Variants in TMEM114 observed in about 807,000 individuals in gnomAD.
The protein encoded by TMEM114 is transmembrane protein 114.
In TMEM114, 6 loss-of-function variants were observed where a neutral mutation model predicts 6.2. That is an observed-to-expected ratio of 0.97 (90% CI 0.53 to 1.91). The LOEUF (loss-of-function observed/expected upper bound fraction) is 1.91, where lower values mean the gene tolerates loss of function less well. Among genes scored for constraint, TMEM114 ranks in the 40% most tolerant of loss-of-function variants. TMEM114 has a pLI of 0.01. For synonymous variants in TMEM114, 104 were observed against 73.0 expected (o/e 1.42, Z -2.16); for missense variants, 218 against 158.3 (o/e 1.38, Z -2.02).
chr16:8,588,410 C>T (rs926805987), intron 2 of TMEM114, among the ~76,000 whole-genome samples: 3 of 152,110 alleles, frequency 2.0e-5, no homozygotes, highest in Non-Finnish European at 4.4e-5. Flanking sequence ...GCAGAAATGA[C>T]GATACTAATA....
chr16:8,532,566 G>A, the TMEM114 span, among the ~76,000 whole-genome samples: 16 of 152,162 alleles, frequency 1.1e-4, no homozygotes, highest in Admixed American at 9.2e-4. Flanking sequence ...AGAGAACGAC[G>A]TGTCTCATTT....
chr16:8,555,345 C>A (rs536265997), intron 2 of TMEM114, among the ~76,000 whole-genome samples: 1 of 152,192 alleles, frequency 6.6e-6, no homozygotes, highest in Admixed American at 6.5e-5. Context: ...CAGGGCTACC[C>A]CACAGGCAAT....
chr16:8,580,996 T>A (rs1349771131), intron 2 of TMEM114, among the ~76,000 whole-genome samples: 1 of 152,168 alleles, frequency 6.6e-6, no homozygotes, highest in Non-Finnish European at 1.5e-5. Flanking sequence ...CCAGCCTTTA[T>A]CATACTTTAA....
chr16:8,545,804 C>T (rs1900648379), intron 2 of TMEM114, among the ~76,000 whole-genome samples: 1 of 152,138 alleles, frequency 6.6e-6, no homozygotes, highest in South Asian at 2.1e-4. Flanking sequence ...TTAAAATTCT[C>T]AAACCTTTGA....
chr16:8,527,067 G>C, the TMEM114 span, among the ~76,000 whole-genome samples: 2 of 152,142 alleles, frequency 1.3e-5, no homozygotes, highest in Non-Finnish European at 2.9e-5. Context: ...AATTAGCCCA[G>C]TATGGTGGGC....
chr16:8,559,363 G>C (rs376010807), intron 2 of TMEM114, among the ~76,000 whole-genome samples: 1 of 152,174 alleles, frequency 6.6e-6, no homozygotes, highest in African/African-American at 2.4e-5. Context: ...CCAGTTCTGA[G>C]ACTAGCTGCT....
At chr16:8,539,258 T>A (rs1900450775) in intron 2 of TMEM114, among the ~76,000 whole-genome samples, 3 of 152,086 alleles carry the variant, frequency 2.0e-5, no homozygotes, top group Non-Finnish European at 1.5e-5. Flanking sequence ...AATCTTGAAT[T>A]CCAGGATGTG....
chr16:8,534,626 G>T (rs1900304206), downstream of TMEM114, among the ~76,000 whole-genome samples: 1 of 152,204 alleles, frequency 6.6e-6, no homozygotes, highest in Non-Finnish European at 1.5e-5. Context: ...CTTGGTGGGG[G>T]TGCTGAAGGC....
At position 8,553,726 on chromosome 16, in the gene TMEM114, C is replaced by T. The variant is rs150037982; in HGVS notation, n.213-15900G>A. Among the ~76,000 whole-genome samples the T allele has an allele frequency of 3.1e-3, 472 of 152,168 alleles. 1 individual carries two copies. The highest frequency in any genetic ancestry group is 0.011 in the African/African-American group (439 of 41,518). On this transcript the variant is annotated intron_variant and non_coding_transcript_variant, in intron 2 of 2. Coordinates refer to the TMEM114 transcript ENST00000623677. ...TTGATCTCCTGACCTCATGGTCCGC[C>T]CACCTCGGCCTCCCAAAGTGCTGGG...
chr16:8,549,961 C>G (rs376586678), intron 2 of TMEM114, among the ~76,000 whole-genome samples: 110 of 152,304 alleles, frequency 7.2e-4, no homozygotes, highest in African/African-American at 2.5e-3. Context: ...AACCTCAAAA[C>G]CAGGGAAGCC....
intron 2 of TMEM114, among the ~76,000 whole-genome samples, chr16:8,583,057 T>C (rs1399303132): frequency 1.3e-5 from 2 of 152,214 alleles, no homozygotes; most frequent in African/African-American, 2.4e-5. Flanking sequence ...GACTTCTCTA[T>C]GTCTCCATTG....
At chr16:8,536,752 G>A (rs544712900), downstream of TMEM114, among the ~76,000 whole-genome samples, 1 of 151,900 alleles carries the variant, frequency 6.6e-6, no homozygotes, top group Non-Finnish European at 1.5e-5. Context: ...AAAAGGGGAG[G>A]ACTCCCAGTT....
At chr16:8,541,952 A>T (rs1401740740) in intron 2 of TMEM114, among the ~76,000 whole-genome samples, 1 of 152,200 alleles carries the variant, frequency 6.6e-6, no homozygotes, top group East Asian at 1.9e-4. Flanking sequence ...GAGATGTAGC[A>T]CAGTGGCCCC....
intron 2 of TMEM114, among the ~76,000 whole-genome samples, chr16:8,559,493 G>T (rs1378587368): frequency 6.6e-6 from 1 of 152,186 alleles, no homozygotes; most frequent in Admixed American, 6.5e-5. Flanking sequence ...TTCCAAGCAA[G>T]GACCCAGCAA....
downstream of TMEM114, among the ~76,000 whole-genome samples, chr16:8,565,282 G>A (rs578006807): frequency 1.8e-4 from 27 of 152,330 alleles, no homozygotes; most frequent in African/African-American, 6.3e-4. Context: ...AACAAAGACT[G>A]AATGCGTGCA....
downstream of TMEM114, among the ~76,000 whole-genome samples, chr16:8,566,417 A>C (rs1419531403): frequency 6.6e-6 from 1 of 152,138 alleles, no homozygotes. Context: ...AGGTCAGAAT[A>C]GAATGATGGA....
chr16:8,573,615 G>C (rs550616534), intron 2 of TMEM114, among the ~76,000 whole-genome samples: 1 of 152,210 alleles, frequency 6.6e-6, no homozygotes, highest in African/African-American at 2.4e-5. Context: ...ATGTGTATTG[G>C]TTGTTTACTA....
chr16:8,570,423 C>T (rs1901696231), intron 3 of TMEM114, among the ~76,000 whole-genome samples: 1 of 152,164 alleles, frequency 6.6e-6, no homozygotes, highest in Non-Finnish European at 1.5e-5. Flanking sequence ...CCTCCACCTC[C>T]CGGGTTCAAG....
intron 2 of TMEM114, among the ~76,000 whole-genome samples, chr16:8,552,619 T>C (rs545712546): frequency 1.8e-4 from 27 of 151,816 alleles, no homozygotes; most frequent in African/African-American, 5.3e-4. Context: ...ATGTCACCAC[T>C]GGGGAAAGAT....
Sources: gnomAD v4.1 joint callset for allele counts (sites outside exome capture counted in the v4.1 genomes callset) on GRCh38, gnomAD v4.1.1 for gene constraint, MANE v1.5 for transcripts, NCBI Gene and HGNC (gene_info 2026-07-23, HGNC 2026-07-21) for gene names.